The following SRBD1 variants were observed in gnomAD, a reference collection of about 807,000 sequenced individuals.
SRBD1 encodes the protein S1 RNA binding domain 1, also known as S1 RNA-binding domain-containing protein 1.
Under a neutral mutation model 115.3 loss-of-function variants are expected in SRBD1, and 88 were observed. That is an observed-to-expected ratio of 0.76 (90% CI 0.64 to 0.91). The LOEUF (loss-of-function observed/expected upper bound fraction) is 0.91, where lower values mean the gene tolerates loss of function less well. SRBD1 is among the 40% of genes least tolerant of loss of function. SRBD1 has a pLI of 0.00. For missense variants in SRBD1, 1,385 were observed against 1,177.4 expected (o/e 1.18, Z -2.58); for synonymous variants, 509 against 407.7 (o/e 1.25, Z -2.99).
At chr2:45,490,879 T>G (rs966046689) in intron 14 of SRBD1, among the ~76,000 whole-genome samples, 12 of 152,170 alleles carry the variant, frequency 7.9e-5, no homozygotes, top group Non-Finnish European at 1.6e-4. Flanking sequence ...ATTAAATCAA[T>G]ACAAAATGTA....
chr2:45,570,001 C>A (rs1388202142), intron 9 of SRBD1, among the ~76,000 whole-genome samples: 3 of 152,160 alleles, frequency 2.0e-5, no homozygotes, highest in Admixed American at 1.3e-4. Context: ...CAAACTATGG[C>A]CCATGGGTCA....
At chr2:45,540,000 G>A (rs776085386) in intron 14 of SRBD1, among the ~76,000 whole-genome samples, 3 of 152,072 alleles carry the variant, frequency 2.0e-5, no homozygotes, top group Non-Finnish European at 2.9e-5. Flanking sequence ...GAATCATCAA[G>A]CAGATTTGAA....
At chr2:45,469,550 G>T (rs1669586804) in intron 16 of SRBD1, among the ~76,000 whole-genome samples, 1 of 152,146 alleles carries the variant, frequency 6.6e-6, no homozygotes, top group South Asian at 2.1e-4. Flanking sequence ...ACTAGGTTAT[G>T]TGTGTGTATA....
chr2:45,541,301 G>A (rs540116609), intron 14 of SRBD1, among the ~76,000 whole-genome samples: 2 of 152,364 alleles, frequency 1.3e-5, no homozygotes, highest in South Asian at 4.1e-4. Flanking sequence ...GAGTCCCAAA[G>A]AGGGTGCCAT....
chr2:45,455,798 T>C (rs1006125273), intron 16 of SRBD1, among the ~76,000 whole-genome samples: 4 of 151,894 alleles, frequency 2.6e-5, no homozygotes, highest in African/African-American at 7.2e-5. Context: ...TTTTGTGTTC[T>C]AGTAGTACTT....
intron 14 of SRBD1, among the ~76,000 whole-genome samples, chr2:45,505,418 G>A (rs1018461684): frequency 2.0e-5 from 3 of 152,132 alleles, no homozygotes; most frequent in Non-Finnish European, 4.4e-5. Flanking sequence ...CAAAGCTGTG[G>A]TGCCAAGGAT....
intron 16 of SRBD1, among the ~76,000 whole-genome samples, chr2:45,455,942 A>T (rs1669138975): frequency 6.6e-6 from 1 of 151,898 alleles, no homozygotes; most frequent in Non-Finnish European, 1.5e-5. Context: ...TAACATTGCC[A>T]CCATCACTAC....
chr2:45,521,286 A>AACAC (rs71394840), intron 14 of SRBD1, among the ~76,000 whole-genome samples: 34,136 of 146,152 alleles, frequency 0.23, 4,561 homozygotes, highest in Non-Finnish European at 0.32. Context: ...CAAAAAGGAA[A>AACAC]ACACACACAC....
chr2:45,506,065 T>C (rs916192683), intron 14 of SRBD1, among the ~76,000 whole-genome samples: 1 of 152,154 alleles, frequency 6.6e-6, no homozygotes, highest in Non-Finnish European at 1.5e-5. Context: ...AGAGTAATAA[T>C]GTTTAAGGAA....
chr2:45,537,558 A>T (rs143578368), intron 14 of SRBD1, among the ~76,000 whole-genome samples: 1 of 152,196 alleles, frequency 6.6e-6, no homozygotes, highest in African/African-American at 2.4e-5. Context: ...TTCTAGCTAA[A>T]GCATCAAAGG....
intron 4 of SRBD1, among the ~76,000 whole-genome samples, chr2:45,589,107 T>C (rs1673636788): frequency 6.6e-6 from 1 of 152,314 alleles, no homozygotes; most frequent in East Asian, 1.9e-4. Context: ...TTGTTGTCTA[T>C]GCCTCCCACC....
intron 12 of SRBD1, 150 bp from the exon 13 acceptor site, chr2:45,547,762 T>A (rs536927244): frequency 6.6e-5 from 39 of 587,036 alleles, no homozygotes; most frequent in Middle Eastern, 4.5e-4. Context: ...AATCAGATTC[T>A]TCCTAACCTC....
chr2:45,586,451 G>T (rs527946177), intron 4 of SRBD1, among the ~76,000 whole-genome samples: 1 of 152,134 alleles, frequency 6.6e-6, no homozygotes, highest in African/African-American at 2.4e-5. Flanking sequence ...AAAGGTAATT[G>T]GTTGGGTGAG....
At chr2:45,466,883 T>C (rs1415248029) in intron 16 of SRBD1, among the ~76,000 whole-genome samples, 1 of 152,196 alleles carries the variant, frequency 6.6e-6, no homozygotes, top group African/African-American at 2.4e-5. Context: ...GCAGGGTCTC[T>C]TGTTAATCAA....
chr2:45,551,098 T>C, intron 12 of SRBD1, 27 bp downstream of exon 12: 1 of 1,570,272 alleles, frequency 6.4e-7, no homozygotes, highest in Non-Finnish European at 8.6e-7. Context: ...AAACAACTTT[T>C]ACATGGAAAA....
rs563534086 is a variant in SRBD1, at chr2:45,610,338, A to C, written c.-1+881T>G. Among the ~76,000 whole-genome samples, 4 of 152,368 alleles carry C rather than the reference A, an allele frequency of 2.6e-5. No individual in the cohort carries two copies. In the South Asian group the frequency reaches 8.3e-4, roughly 32 times the overall value. On this transcript the variant is annotated intron_variant, in intron 1 of 20. Transcript: ENST00000263736. ...GAGGACAATTTCTTAAGAAGCACCTAAACAAGTTTCCATGAAGGACCAACA... is the reference window on the plus strand; with the variant it reads ...GAGGACAATTTCTTAAGAAGCACCTCAACAAGTTTCCATGAAGGACCAACA...
Position 45,418,576 on chromosome 2 carries a change from T to C in SRBD1, c.2157-35A>G, listed in dbSNP as rs113837555. The stretch of plus-strand genomic sequence containing the variant: ...AAAAATAAGCAAACTGAAAAAAAGA[T>C]CTCATCTGAAAAGACAATGATATAA... On this transcript the variant is annotated intron_variant, in intron 17 of 20. Coordinates refer to ENST00000263736, the MANE Select transcript of SRBD1 (RefSeq NM_018079.5). The C allele has an allele frequency of 5.5e-5, 86 of 1,573,752 alleles. 1 individual carries two copies. In the African/African-American group the frequency reaches 1.1e-3, roughly 20 times the overall value.
At chr2:45,587,702 G>A (rs778168775) in intron 4 of SRBD1, among the ~76,000 whole-genome samples, 45 of 152,152 alleles carry the variant, frequency 3.0e-4, no homozygotes, top group Non-Finnish European at 4.3e-4. Context: ...AAATCCTGAG[G>A]TCTACATCTT....
intron 20 of SRBD1, among the ~76,000 whole-genome samples, chr2:45,390,412 C>A (rs1487439637): frequency 6.6e-6 from 1 of 152,130 alleles, no homozygotes; most frequent in African/African-American, 2.4e-5. Flanking sequence ...AAAAGGTAGG[C>A]ATAAAGCATG....
Sources: allele counts gnomAD v4.1 joint callset (sites outside exome capture counted in the v4.1 genomes callset), GRCh38; gene constraint gnomAD v4.1.1; transcripts MANE v1.5; gene names NCBI Gene and HGNC (gene_info 2026-07-23, HGNC 2026-07-21).